Variants in FAM167A observed in about 807,000 individuals in gnomAD.
FAM167A encodes the protein protein FAM167A.
A neutral mutation model predicts 14.9 loss-of-function variants in FAM167A; 23 were observed. That is an observed-to-expected ratio of 1.55 (90% CI 1.11 to 2.19). The LOEUF (loss-of-function observed/expected upper bound fraction) is 2.19, where lower values mean the gene tolerates loss of function less well. Ranked by LOEUF, FAM167A falls within the 30% of genes most tolerant of loss-of-function variation. The pLI is 0.00. For synonymous variants in FAM167A, 174 were observed against 117.7 expected (o/e 1.48, Z -3.10); for missense variants, 401 against 281.5 (o/e 1.42, Z -3.04).
chr8:11,449,875 A>C (rs975917623), intron 1 of FAM167A, among the ~76,000 whole-genome samples: 1 of 151,874 alleles, frequency 6.6e-6, no homozygotes, highest in South Asian at 2.1e-4. Context: ...CTCAGCCAAC[A>C]CCTTGTCTCA....
intron 2 of FAM167A, chr8:11,433,940 C>T (rs1045075055): frequency 3.1e-4 from 47 of 152,146 alleles, no homozygotes; most frequent in African/African-American, 9.9e-4. Context: ...TTATTTTCGT[C>T]AGTGTTGTGC....
Position 11,421,784 on chromosome 8 carries a change from G to A in FAM167A, c.*2589C>T, listed in dbSNP as rs1311334403. On this transcript the variant is annotated 3_prime_UTR_variant, in exon 3 of 3. Coordinates refer to ENST00000284486, the MANE Select transcript of FAM167A (RefSeq NM_053279.3). ...GCTTGGGGATGGCAGAGAGATGGAT[G>A]GATAATGAGTACAACTGCAAACAGC... is the stretch of plus-strand genomic sequence containing the variant. 7.5e-6 allele frequency: 3 copies of A among 398,814 alleles called. No homozygotes were observed. Among genetic ancestry groups the A allele is most frequent in the Non-Finnish European group, 1.3e-5 (3 of 226,078 alleles). 24.7% of individuals were successfully genotyped at this position (398,814 alleles called of 1,614,324 possible). A position where few individuals can be genotyped will look rare whatever the true frequency, so the allele number is the denominator to read the frequency against.
At chr8:11,461,113 T>C (rs1807520579) in intron 1 of FAM167A, among the ~76,000 whole-genome samples, 1 of 152,014 alleles carries the variant, frequency 6.6e-6, no homozygotes, top group African/African-American at 2.4e-5. Flanking sequence ...GAGCCACAGA[T>C]CTAATTTATG....
At chr8:11,438,298 G>A (rs1288778495) in intron 2 of FAM167A, 5 of 402,098 alleles carry the variant, frequency 1.2e-5, no homozygotes, top group Non-Finnish European at 2.5e-5. Flanking sequence ...GGACCTCCCG[G>A]TTGGGGTCAG....
chr8:11,449,346 C>T (rs1390695720), intron 1 of FAM167A, among the ~76,000 whole-genome samples: 1 of 152,190 alleles, frequency 6.6e-6, no homozygotes, highest in African/African-American at 2.4e-5. Context: ...CGGCCTGAGC[C>T]GGCAGAGAGG....
chr8:11,429,134 C>G (rs938781960), intron 2 of FAM167A, among the ~76,000 whole-genome samples: 2 of 152,172 alleles, frequency 1.3e-5, no homozygotes, highest in African/African-American at 4.8e-5. Flanking sequence ...TCCCCCTCCT[C>G]CAGCCCCTGG....
chr8:11,453,972 C>A (rs1183044342), intron 1 of FAM167A, among the ~76,000 whole-genome samples: 2 of 152,252 alleles, frequency 1.3e-5, no homozygotes, highest in Non-Finnish European at 2.9e-5. Flanking sequence ...GCTGTGCCAT[C>A]TTCTAGAACC....
intron 2 of FAM167A, among the ~76,000 whole-genome samples, chr8:11,425,413 C>G (rs1413855937): frequency 6.6e-6 from 1 of 152,148 alleles, no homozygotes; most frequent in Non-Finnish European, 1.5e-5. Context: ...ACCAAAATGA[C>G]TGACAATGAA....
intron 2 of FAM167A, chr8:11,438,413 G>T (rs748397523): frequency 2.2e-6 from 1 of 452,898 alleles, no homozygotes; most frequent in African/African-American, 2.0e-5. Context: ...GAGATTGAAG[G>T]CCTTACTTTT....
At chr8:11,472,012 T>G (rs1807975596), upstream of FAM167A, among the ~76,000 whole-genome samples, 1 of 152,242 alleles carries the variant, frequency 6.6e-6, no homozygotes, top group African/African-American at 2.4e-5. Flanking sequence ...GAAGTTGTTA[T>G]AAAGGCATAT....
intron 2 of FAM167A, chr8:11,434,790 C>A: frequency 2.9e-6 from 1 of 341,002 alleles, no homozygotes; most frequent in Non-Finnish European, 5.8e-6. Flanking sequence ...GTGCCCTACA[C>A]AGAGAGAGGA....
chr8:11,452,127 C>G (rs1376935940), intron 1 of FAM167A, among the ~76,000 whole-genome samples: 3 of 152,180 alleles, frequency 2.0e-5, no homozygotes, highest in Non-Finnish European at 4.4e-5. Flanking sequence ...TGCGACCTCC[C>G]ATTGAGAACC....
chr8:11,436,260 C>T (rs548491578), intron 2 of FAM167A, among the ~76,000 whole-genome samples: 1 of 152,192 alleles, frequency 6.6e-6, no homozygotes, highest in Non-Finnish European at 1.5e-5. Flanking sequence ...GTGTCCTTAG[C>T]TTGCACATGA....
intron 2 of FAM167A, among the ~76,000 whole-genome samples, chr8:11,429,720 C>A (rs1805443741): frequency 6.6e-6 from 1 of 152,184 alleles, no homozygotes; most frequent in African/African-American, 2.4e-5. Context: ...GAGCTGGGCC[C>A]AGGGGTGGCA....
chr8:11,455,891 C>CTG (rs752624848), intron 1 of FAM167A, among the ~76,000 whole-genome samples: 3,535 of 57,190 alleles, frequency 0.062, 116 homozygotes, highest in Middle Eastern at 0.15. Context: ...GGTTGCCTTG[C>CTG]AGAGTGTGAG....
At chr8:11,439,101 C>A (rs998366023) in intron 2 of FAM167A, among the ~76,000 whole-genome samples, 1 of 152,226 alleles carries the variant, frequency 6.6e-6, no homozygotes, top group Non-Finnish European at 1.5e-5. Context: ...TGATGTGTGT[C>A]TGTGTCGTGG....
intron 2 of FAM167A, among the ~76,000 whole-genome samples, chr8:11,426,921 A>G (rs1805210795): frequency 6.6e-6 from 1 of 152,162 alleles, no homozygotes; most frequent in South Asian, 2.1e-4. Flanking sequence ...CAGAGGGATG[A>G]CTTTGAGTTT....
chr8:11,433,026 G>C (rs1361937794), intron 2 of FAM167A, among the ~76,000 whole-genome samples: 1 of 152,042 alleles, frequency 6.6e-6, no homozygotes, highest in Non-Finnish European at 1.5e-5. Flanking sequence ...ATAACACGTG[G>C]ACACAGGGAG....
intron 1 of FAM167A, among the ~76,000 whole-genome samples, chr8:11,473,511 T>G (rs1375127482): frequency 6.6e-6 from 1 of 152,220 alleles, no homozygotes; most frequent in Non-Finnish European, 1.5e-5. Context: ...AAGCCTCCCT[T>G]ATACGTAACT....
Sources: allele counts gnomAD v4.1 joint callset (sites outside exome capture counted in the v4.1 genomes callset), GRCh38; gene constraint gnomAD v4.1.1; transcripts MANE v1.5; gene names NCBI Gene and HGNC (gene_info 2026-07-23, HGNC 2026-07-21).